DIP2B: variants seen among roughly 807,000 people sequenced by gnomAD.
DIP2B encodes the protein disco-interacting protein 2 homolog B.
Under a neutral mutation model 198.0 loss-of-function variants are expected in DIP2B, and 76 were observed. The ratio of observed to expected loss-of-function variants is 0.38; its 90% CI spans 0.32 to 0.46. DIP2B has a LOEUF of 0.46. Ranked by LOEUF, DIP2B falls within the 20% of genes least tolerant of loss-of-function variation. The pLI, the probability that DIP2B is intolerant of heterozygous loss-of-function variation, is 0.99. For missense variants in DIP2B, 1,559 were observed against 1,978.4 expected (o/e 0.79, Z 4.02); for synonymous variants, 701 against 739.1 (o/e 0.95, Z 0.84).
At chr12:50,680,796 G>T (rs183195617) in intron 9 of DIP2B, 33 bp downstream of exon 9, 4 of 1,575,472 alleles carry the variant, frequency 2.5e-6, no homozygotes, top group Middle Eastern at 1.7e-4. Flanking sequence ...TAGGGAGGTG[G>T]TGTTTATTGT....
chr12:50,547,467 C>T (rs1486437961), intron 1 of DIP2B, among the ~76,000 whole-genome samples: 3 of 152,050 alleles, frequency 2.0e-5, no homozygotes, highest in Non-Finnish European at 2.9e-5. Context: ...AGATATTAAT[C>T]GAAGTATTAT....
At chr12:50,597,241 G>A (rs1958886535) in intron 1 of DIP2B, among the ~76,000 whole-genome samples, 1 of 152,030 alleles carries the variant, frequency 6.6e-6, no homozygotes, top group South Asian at 2.1e-4. Flanking sequence ...AGCACATGTT[G>A]GAATGGGGAA....
Position 50,735,131 on chromosome 12 carries a change from G to T in DIP2B, c.4101+1G>T. ...TTTGCTTCTCTCAGAGTCTGGAAAG[G>T]TAATTTGTTCTGTTGACCATGGGGA... On this transcript the variant is annotated splice_donor_variant, in intron 34 of 37. Coordinates refer to ENST00000301180, the MANE Select transcript of DIP2B (RefSeq NM_173602.3). LOFTEE classifies it high-confidence loss of function. The T allele has an allele frequency of 6.2e-7, 1 of 1,614,176 alleles. No individual in the cohort carries two copies. The highest frequency in any genetic ancestry group is 8.5e-7 in the Non-Finnish European group (1 of 1,180,020).
chr12:50,677,960 C>T (rs984748157), intron 7 of DIP2B, among the ~76,000 whole-genome samples: 9 of 151,330 alleles, frequency 5.9e-5, no homozygotes, highest in South Asian at 2.1e-4. Flanking sequence ...CTAAGGGCAA[C>T]GTGGGAGCAC....
At chr12:50,734,305 G>C in intron 33 of DIP2B, 109 bp downstream of exon 33, 1 of 1,108,632 alleles carries the variant, frequency 9.0e-7, no homozygotes. Context: ...TATTCCAGGA[G>C]GGGAATGGGA....
chr12:50,553,936 C>CTT (rs1958447576), intron 1 of DIP2B, among the ~76,000 whole-genome samples: 2 of 152,270 alleles, frequency 1.3e-5, no homozygotes, highest in Admixed American at 6.5e-5. Context: ...TTGCAGGTGT[C>CTT]AGCCTGTGCG....
chr12:50,660,373 A>T, intron 4 of DIP2B, 54 bp downstream of exon 4: 1 of 1,512,160 alleles, frequency 6.6e-7, no homozygotes, highest in Non-Finnish European at 8.9e-7. Flanking sequence ...ATGTTCCTGA[A>T]ATAAGTTCTG....
At chr12:50,675,482 T>C (rs1172399205) in intron 7 of DIP2B, 34 bp downstream of exon 7, 2 of 1,585,978 alleles carry the variant, frequency 1.3e-6, no homozygotes, top group Non-Finnish European at 1.7e-6. Flanking sequence ...ATATATTCAT[T>C]AAATAAATAT....
intron 23 of DIP2B, among the ~76,000 whole-genome samples, chr12:50,716,660 A>C (rs1281211965): frequency 4.6e-5 from 7 of 152,212 alleles, no homozygotes; most frequent in Non-Finnish European, 1.0e-4. Flanking sequence ...ATTTTGTCTC[A>C]TCTGTTTCAG....
rs1008653879 is a variant in DIP2B at position 50,739,426 on chromosome 12, C to G, written c.4194C>G (p.Pro1398=). The G allele has an allele frequency of 6.2e-7, 1 of 1,613,272 alleles. No homozygotes were observed. Among genetic ancestry groups the G allele is most frequent in the African/African-American group, 1.3e-5 (1 of 75,036 alleles). Residue 1398 remains proline (P), a synonymous_variant, in exon 36 of 38, where the codon CCC becomes CCG. Transcript: ENST00000301180. The part of the protein sequence containing the change: ...SHLGEIWVNS[P]HTASGYYTIY... ...TCTTGTAGATTTGGGTGAACAGTCCCCATACAGCCAGCGGCTACTACACCA... is the reference window on the plus strand; with the variant it reads ...TCTTGTAGATTTGGGTGAACAGTCCGCATACAGCCAGCGGCTACTACACCA...
intron 1 of DIP2B, among the ~76,000 whole-genome samples, chr12:50,536,524 A>C (rs1205432022): frequency 6.6e-6 from 1 of 151,982 alleles, no homozygotes; most frequent in Non-Finnish European, 1.5e-5. Context: ...CAAAAGTTAC[A>C]TGTTGAATAT....
chr12:50,731,327 AG>A lies in DIP2B; in HGVS notation c.3642-40del, dbSNP rs767474927. 5 of 1,597,278 alleles carry A rather than the reference AG, an allele frequency of 3.1e-6. No homozygotes were observed. The Admixed American group carries it at 8.5e-5, about 27-fold the overall frequency. ...TGGGGTTCTGAAGCATCAGGTATCCAGGATGAATTGATGATTCCAGCTCTTG... is the reference window on the plus strand; with the variant it reads ...TGGGGTTCTGAAGCATCAGGTATCCAGATGAATTGATGATTCCAGCTCTTG... On this transcript the variant is annotated intron_variant, in intron 30 of 37. Coordinates refer to ENST00000301180, the MANE Select transcript of DIP2B (RefSeq NM_173602.3).
intron 1 of DIP2B, among the ~76,000 whole-genome samples, chr12:50,594,372 T>C (rs955564686): frequency 2.6e-5 from 4 of 152,206 alleles, no homozygotes; most frequent in Admixed American, 2.6e-4. Context: ...AGCTATTTTC[T>C]CTTTGATATG....
chr12:50,640,420 A>G (rs537876016), intron 2 of DIP2B, among the ~76,000 whole-genome samples: 14 of 152,280 alleles, frequency 9.2e-5, no homozygotes, highest in African/African-American at 3.4e-4. Flanking sequence ...ATTGGGGATC[A>G]TATGCAGTCA....
chr12:50,727,826 T>C lies in DIP2B; in HGVS notation c.3510+14T>C. Reference sequence around the variant, plus strand: ...ACAGGAGTGAAGGTAAGGTGCATGCTGGAAAAATGCCACATCTGCCAAAAA... The same window carrying C: ...ACAGGAGTGAAGGTAAGGTGCATGCCGGAAAAATGCCACATCTGCCAAAAA... On this transcript the variant is annotated intron_variant, in intron 29 of 37. Coordinates refer to ENST00000301180, the MANE Select transcript of DIP2B (RefSeq NM_173602.3). The C allele has an allele frequency of 6.2e-7, 1 of 1,603,248 alleles. No homozygotes were observed. Among genetic ancestry groups the C allele is most frequent in the Non-Finnish European group, 8.5e-7 (1 of 1,173,996 alleles).
intron 31 of DIP2B, among the ~76,000 whole-genome samples, chr12:50,731,871 A>G (rs2139598384): frequency 6.6e-6 from 1 of 152,350 alleles, no homozygotes; most frequent in African/African-American, 2.4e-5. Context: ...TCAAAATATT[A>G]GGAATTCAGA....
chr12:50,630,481 T>C (rs182462739), intron 2 of DIP2B, among the ~76,000 whole-genome samples: 19 of 152,118 alleles, frequency 1.2e-4, no homozygotes, highest in Admixed American at 1.0e-3. Flanking sequence ...AAATTAAGAA[T>C]TATAATCTTC....
Position 50,718,317 on chromosome 12 carries a change from A to G in DIP2B, c.2852-392A>G, listed in dbSNP as rs537119192. Among the ~76,000 whole-genome samples the G allele has an allele frequency of 3.3e-4, 51 of 152,272 alleles. 2 individuals are homozygous for G. In the South Asian group the frequency reaches 8.9e-3, roughly 27 times the overall value. On this transcript the variant is annotated intron_variant, in intron 23 of 37. Coordinates refer to ENST00000301180, the MANE Select transcript of DIP2B (RefSeq NM_173602.3). ...TTGTTAAGCCCTCTTTTAGGGTTCT[A>G]TTATGATTGGAGAAGATTAAAATAT...
At chr12:50,530,439 A>G (rs1958206672) in intron 1 of DIP2B, among the ~76,000 whole-genome samples, 1 of 152,168 alleles carries the variant, frequency 6.6e-6, no homozygotes, top group African/African-American at 2.4e-5. Flanking sequence ...AAGAGCATTC[A>G]TGGGAAGCCA....
Sources: gnomAD v4.1 joint callset for allele counts (sites outside exome capture counted in the v4.1 genomes callset) on GRCh38, gnomAD v4.1.1 for gene constraint, MANE v1.5 for transcripts, NCBI Gene and HGNC (gene_info 2026-07-23, HGNC 2026-07-21) for gene names.